The following CRYBB1 variants were observed in gnomAD, a reference collection of about 807,000 sequenced individuals.
The protein encoded by CRYBB1 is beta-crystallin B1.
CRYBB1 carries 16 observed loss-of-function variants against 29.5 expected under a neutral mutation model. The ratio of observed to expected loss-of-function variants is 0.54; its 90% CI spans 0.37 to 0.82. CRYBB1 has a LOEUF of 0.82. CRYBB1 is among the 40% of genes least tolerant of loss of function. CRYBB1 has a pLI of 0.00. For missense variants in CRYBB1, 300 were observed against 350.5 expected, an observed-to-expected ratio of 0.86 and a Z score of 1.15; for synonymous variants, 127 against 136.7, an observed-to-expected ratio of 0.93 and a Z score of 0.49.
chr22:26,607,180 G>A (rs948160046), intron 4 of CRYBB1, among the ~76,000 whole-genome samples: 4 of 151,790 alleles, frequency 2.6e-5, no homozygotes, highest in East Asian at 1.9e-4. Flanking sequence ...GCGCCACCAC[G>A]CCCGGCTAAT....
intron 3 of CRYBB1, 121 bp downstream of exon 3, chr22:26,611,951 T>C (rs921770254): frequency 3.9e-6 from 3 of 767,918 alleles, no homozygotes; most frequent in African/African-American, 1.7e-5. Flanking sequence ...TTGGACATAA[T>C]GTATGTGCCA....
chr22:26,605,254 G>A (rs1928939258), intron 4 of CRYBB1, among the ~76,000 whole-genome samples: 2 of 152,202 alleles, frequency 1.3e-5, no homozygotes, highest in East Asian at 1.9e-4. Flanking sequence ...TGCAATTGTA[G>A]ATGGATTTTT....
intron 2 of CRYBB1, 142 bp from the exon 3 acceptor site, chr22:26,612,332 C>T: frequency 1.5e-6 from 1 of 649,682 alleles, no homozygotes; most frequent in South Asian, 1.7e-5. Context: ...ATCCTGTCCT[C>T]CCATCCCCCA....
chr22:26,606,860 A>G (rs1379063263), intron 4 of CRYBB1, among the ~76,000 whole-genome samples: 1 of 152,158 alleles, frequency 6.6e-6, no homozygotes, highest in Non-Finnish European at 1.5e-5. Context: ...CTCATCATCA[A>G]CTTAATTCTG....
intron 2 of CRYBB1, among the ~76,000 whole-genome samples, chr22:26,613,327 T>C (rs988363571): frequency 6.6e-6 from 1 of 152,204 alleles, no homozygotes; most frequent in Non-Finnish European, 1.5e-5. Flanking sequence ...CATATAACCA[T>C]GACCCAGCAC....
intron 3 of CRYBB1, among the ~76,000 whole-genome samples, chr22:26,610,101 G>T (rs1423594095): frequency 2.6e-5 from 4 of 152,162 alleles, no homozygotes; most frequent in African/African-American, 4.8e-5. Flanking sequence ...GACCAGTGAG[G>T]ATCTAAATTT....
intron 1 of CRYBB1, 31 bp downstream of exon 1, chr22:26,617,946 G>A (rs922813336): frequency 1.3e-5 from 2 of 153,668 alleles, no homozygotes; most frequent in African/African-American, 4.8e-5. Context: ...CTCCCCTTCA[G>A]CTCTCAGCTG....
At chr22:26,599,728 C>T in intron 5 of CRYBB1, 55 bp from the exon 6 acceptor site, 1 of 1,423,704 alleles carries the variant, frequency 7.0e-7, no homozygotes. Flanking sequence ...TTGCCTGGCA[C>T]CCAGACCCCT....
Position 26,604,348 on chromosome 22 carries a change from A to AG in CRYBB1, c.433-2328_433-2327insC, listed in dbSNP as rs112531750. On this transcript the variant is annotated intron_variant, in intron 4 of 5. Transcript: ENST00000647684. ...GTAAAAGGCAGGTAATATACCCAGT[A>AG]CGTAGTTGGTGCTTAAAAATGGATG... is the stretch of plus-strand genomic sequence containing the variant. 3.4e-3 allele frequency among the ~76,000 whole-genome samples: 525 copies of AG among 152,342 alleles called. 2 individuals carry two copies. The highest frequency in any genetic ancestry group is 0.012 in the African/African-American group (505 of 41,584).
At chr22:26,615,740 C>T (rs1018633357) in intron 2 of CRYBB1, among the ~76,000 whole-genome samples, 21 of 152,180 alleles carry the variant, frequency 1.4e-4, no homozygotes, top group Non-Finnish European at 1.5e-5. Flanking sequence ...TCTCGAACTC[C>T]TGACCTCAGG....
intron 3 of CRYBB1, among the ~76,000 whole-genome samples, chr22:26,609,617 A>C (rs1178579646): frequency 6.6e-6 from 1 of 152,130 alleles, no homozygotes; most frequent in Non-Finnish European, 1.5e-5. Context: ...GTATAAATGG[A>C]GAATGGATGT....
intron 4 of CRYBB1, among the ~76,000 whole-genome samples, chr22:26,605,671 CAAAAA>C (rs771110435): frequency 7.4e-5 from 4 of 54,214 alleles, no homozygotes; most frequent in Non-Finnish European, 1.4e-4. Context: ...AGATGTGTCT[CAAAAA>C]AAAAAAAAAA....
In CRYBB1 at chr22:26,616,327, G is replaced by A. The variant is rs371322600; in HGVS notation, c.-8C>T. The A allele has an allele frequency of 1.2e-5, 20 of 1,611,516 alleles. No individual in the cohort carries two copies. The highest frequency in any genetic ancestry group is 1.5e-5 in the Non-Finnish European group (18 of 1,179,086). On this transcript the variant is annotated 5_prime_UTR_variant, in exon 2 of 6. Coordinates refer to ENST00000647684, the MANE Select transcript of CRYBB1 (RefSeq NM_001887.4). ...CTTTGCAGCCTGAGACATGGTTCCC[G>A]CCTGCAAAAGTCTGTAAAGAAACTC... is the stretch of plus-strand genomic sequence containing the variant.
intron 4 of CRYBB1, 93 bp from the exon 5 acceptor site, chr22:26,602,114 A>G (rs1455564272): frequency 2.0e-6 from 3 of 1,520,882 alleles, no homozygotes; most frequent in East Asian, 4.5e-5. Context: ...AGCGAGAGAG[A>G]TGAGCCTGTT....
rs1236806996 is a variant in CRYBB1 at position 26,603,137 on chromosome 22, A to C, written c.433-1116T>G. ...CGAGACTCCGTCTCAAAAAAAAAAA[A>C]AAAAAAACAAAAAACAAATCCTGCC... is the stretch of plus-strand genomic sequence containing the variant. On this transcript the variant is annotated intron_variant, in intron 4 of 5. Coordinates refer to ENST00000647684, the MANE Select transcript of CRYBB1 (RefSeq NM_001887.4). 8.3e-4 allele frequency among the ~76,000 whole-genome samples: 123 copies of C among 147,420 alleles called. 1 individual carries two copies. The highest frequency in any genetic ancestry group is 1.0e-3 in the African/African-American group (41 of 41,146).
intron 4 of CRYBB1, among the ~76,000 whole-genome samples, chr22:26,605,609 G>A (rs932026805): frequency 6.8e-6 from 1 of 146,232 alleles, no homozygotes; most frequent in Non-Finnish European, 1.5e-5. Context: ...GGGAGGTGAA[G>A]GTTGCAGTGA....
At position 26,612,199 on chromosome 22, in the gene CRYBB1, G is replaced by A. The variant is rs1324873464; in HGVS notation, c.181-9C>T. ...AGTTCGAAGACCACCAGCTGCAGGAGAGAAGCCCCCATGCCAAGGGCAGAG... is the reference window on the plus strand; with the variant it reads ...AGTTCGAAGACCACCAGCTGCAGGAAAGAAGCCCCCATGCCAAGGGCAGAG... On this transcript the variant is annotated splice_polypyrimidine_tract_variant and intron_variant, in intron 2 of 5. Transcript: ENST00000647684. 1 of 1,598,702 alleles carries A rather than the reference G, an allele frequency of 6.3e-7. No individual in the cohort carries two copies. Among genetic ancestry groups the A allele is most frequent in the Non-Finnish European group, 8.6e-7 (1 of 1,166,186 alleles).
intron 3 of CRYBB1, among the ~76,000 whole-genome samples, chr22:26,611,466 TTTG>T (rs1569206610): frequency 8.1e-5 from 11 of 136,344 alleles, no homozygotes; most frequent in African/African-American, 2.5e-4. Context: ...TTTTTTTTTT[TTTG>T]TTTTTTTTTT....
chr22:26,613,412 C>A (rs1444411189), intron 2 of CRYBB1, among the ~76,000 whole-genome samples: 1 of 152,158 alleles, frequency 6.6e-6, no homozygotes, highest in East Asian at 1.9e-4. Context: ...AGTCAGGGAC[C>A]CCAAACGGAG....
Sources: gnomAD v4.1 joint callset for allele counts (sites outside exome capture counted in the v4.1 genomes callset) on GRCh38, gnomAD v4.1.1 for gene constraint, MANE v1.5 for transcripts, NCBI Gene and HGNC (gene_info 2026-07-23, HGNC 2026-07-21) for gene names.